AGAP1: variants seen among roughly 807,000 people sequenced by gnomAD.
AGAP1 encodes the protein ArfGAP with GTPase domain, ankyrin repeat and PH domain 1.
AGAP1 carries 29 observed loss-of-function variants against 105.3 expected under a neutral mutation model. The observed-to-expected ratio is 0.28, with a 90% confidence interval of 0.21 to 0.38. The LOEUF (loss-of-function observed/expected upper bound fraction) is 0.38. AGAP1 is among the 10% of genes least tolerant of loss of function. The pLI is 1.00. For synonymous variants in AGAP1, 509 were observed against 485.9 expected (o/e 1.05, Z -0.63); for missense variants, 998 against 1,165.1 (o/e 0.86, Z 2.09).
At chr2:235,509,655 A>T (rs544910798) in intron 1 of AGAP1, among the ~76,000 whole-genome samples, 21 of 152,210 alleles carry the variant, frequency 1.4e-4, no homozygotes, top group African/African-American at 5.1e-4. Flanking sequence ...ACACTTCCTC[A>T]TGCCCGTTTG....
At chr2:235,522,064 T>A (rs1942644705) in intron 1 of AGAP1, among the ~76,000 whole-genome samples, 1 of 152,164 alleles carries the variant, frequency 6.6e-6, no homozygotes, top group Admixed American at 6.5e-5. Flanking sequence ...ATGTGCAGTC[T>A]TTTTGGTTCC....
intron 6 of AGAP1, among the ~76,000 whole-genome samples, chr2:235,797,026 G>A (rs1001272839): frequency 1.3e-5 from 2 of 152,086 alleles, no homozygotes; most frequent in African/African-American, 4.8e-5. Flanking sequence ...TACAATGTGT[G>A]CAGTCATATA....
At chr2:235,760,325 G>A (rs1305127435) in intron 6 of AGAP1, among the ~76,000 whole-genome samples, 7 of 152,238 alleles carry the variant, frequency 4.6e-5, no homozygotes, top group Non-Finnish European at 8.8e-5. Flanking sequence ...GTTGCAGTGA[G>A]CTGAGATCAC....
intron 1 of AGAP1, among the ~76,000 whole-genome samples, chr2:235,674,693 CT>C (rs201019044): frequency 2.3e-3 from 311 of 136,224 alleles, no homozygotes; most frequent in Middle Eastern, 3.9e-3. Context: ...GGGTGATAGA[CT>C]TTTTTTTTTT....
In AGAP1 at chr2:235,956,839, T is replaced by C. The variant is rs554304923; in HGVS notation, c.1484-11623T>C. 2.6e-5 allele frequency among the ~76,000 whole-genome samples: 4 copies of C among 152,376 alleles called. No individual in the cohort carries two copies. The East Asian group carries it at 5.8e-4, about 22-fold the overall frequency. ...GACTCAGCTCATGGCCCAAGTCTCA[T>C]GATGGCCTTTAGCTTCAGTTTCTGG... On this transcript the variant is annotated intron_variant, in intron 12 of 17. Transcript: ENST00000304032.
At position 236,068,656 on chromosome 2, in the gene AGAP1, C is replaced by T. The variant is rs993782699; in HGVS notation, c.2114+19375C>T. Among the ~76,000 whole-genome samples, 17 of 145,778 alleles carry T rather than the reference C, an allele frequency of 1.2e-4. No homozygotes were observed. In the East Asian group the frequency reaches 2.1e-3, roughly 18 times the overall value. On this transcript the variant is annotated intron_variant, in intron 16 of 17. Transcript: ENST00000304032. ...TCTACTAAAAATACAAAAAATTAGC[C>T]GGGCGTGGTGGCGGGCGCCTGTAGT...
chr2:236,040,152 G>A lies in AGAP1; in HGVS notation c.1801-599G>A, dbSNP rs1173742725. On this transcript the variant is annotated intron_variant, in intron 14 of 17. Transcript: ENST00000304032. The surrounding 1 kb of genome is among the most constrained non-coding windows in gnomAD (Gnocchi z 5.6). ...AAATAAATAAATAAAAATAAAGCAAGCCATCAAGTGTAAGGTTAAGAATCA... is the reference window on the plus strand; with the variant it reads ...AAATAAATAAATAAAAATAAAGCAAACCATCAAGTGTAAGGTTAAGAATCA... Among the ~76,000 whole-genome samples the A allele has an allele frequency of 6.6e-6, 1 of 152,002 alleles. No individual in the cohort carries two copies. Among genetic ancestry groups the A allele is most frequent in the Non-Finnish European group, 1.5e-5 (1 of 68,014 alleles).
rs1949760952 is a variant in AGAP1 at position 235,692,119 on chromosome 2, T to C, written c.164-17060T>C. On this transcript the variant is annotated intron_variant, in intron 1 of 17. Coordinates refer to ENST00000304032, the MANE Select transcript of AGAP1 (RefSeq NM_001037131.3). The surrounding 1 kb of genome is among the most constrained non-coding windows in gnomAD (Gnocchi z 5.8). ...TGCGCATATTGAGTTTGAATATTCA[T>C]CTAAGAAGCTTTTGTACATGCGTTA... Among the ~76,000 whole-genome samples, 1 of 152,062 alleles carries C rather than the reference T, an allele frequency of 6.6e-6. No homozygotes were observed. Among genetic ancestry groups the C allele is most frequent in the Non-Finnish European group, 1.5e-5 (1 of 68,018 alleles).
intron 6 of AGAP1, among the ~76,000 whole-genome samples, chr2:235,791,735 A>G (rs955257867): frequency 3.9e-5 from 6 of 152,022 alleles, no homozygotes. Flanking sequence ...TTTAGTAGAG[A>G]CAAGGTTTCA....
Position 235,996,390 on chromosome 2 carries a change from C to T in AGAP1, c.1645+27767C>T, listed in dbSNP as rs556721027. On this transcript the variant is annotated intron_variant, in intron 13 of 17. Coordinates refer to ENST00000304032, the MANE Select transcript of AGAP1 (RefSeq NM_001037131.3). ...GGTGTCTTCTAATTTTTTTAACTTA[C>T]GCTCTGACACATAGTTAAGTTGTGC... 4.6e-5 allele frequency among the ~76,000 whole-genome samples: 7 copies of T among 152,296 alleles called. No homozygotes were observed. The South Asian group carries it at 6.2e-4, about 14-fold the overall frequency.
intron 11 of AGAP1, among the ~76,000 whole-genome samples, chr2:235,918,124 G>A (rs1287727060): frequency 6.6e-6 from 1 of 152,212 alleles, no homozygotes; most frequent in African/African-American, 2.4e-5. Context: ...AGGCTTGGTG[G>A]AACACAGATC....
At chr2:236,093,173 A>G (rs1576287464) in intron 16 of AGAP1, among the ~76,000 whole-genome samples, 1 of 152,246 alleles carries the variant, frequency 6.6e-6, no homozygotes, top group Admixed American at 6.5e-5. Flanking sequence ...GGTTCAGTCA[A>G]GGATCATCAA....
chr2:235,828,947 G>T (rs2106331338), intron 9 of AGAP1, among the ~76,000 whole-genome samples: 1 of 152,338 alleles, frequency 6.6e-6, no homozygotes, highest in African/African-American at 2.4e-5. Flanking sequence ...AGAGTTCTGA[G>T]CCTCAGTTTT....
chr2:235,724,196 C>T lies in AGAP1; in HGVS notation c.310+6552C>T, dbSNP rs1037966843. 6.6e-6 allele frequency among the ~76,000 whole-genome samples: 1 copy of T among 152,234 alleles called. No individual in the cohort carries two copies. The highest frequency in any genetic ancestry group is 1.5e-5 in the Non-Finnish European group (1 of 68,046). ...AAAATTTTAGGCAGAAAGCTAGCTC[C>T]AAGGCTGAGGCAGCCCTGAATGTGC... On this transcript the variant is annotated intron_variant, in intron 3 of 17. Coordinates refer to ENST00000304032, the MANE Select transcript of AGAP1 (RefSeq NM_001037131.3). The surrounding 1 kb of genome is among the most constrained non-coding windows in gnomAD (Gnocchi z 4.9).
rs137928609 is a variant in AGAP1, at chr2:235,900,783, C to T, written c.1156-7955C>T. Reference sequence around the variant, plus strand: ...GCTGTTTGCCTCTGTGCATGCTACACATCTGATTGGCCAGGTGCCTTCCTC... The same window carrying T: ...GCTGTTTGCCTCTGTGCATGCTACATATCTGATTGGCCAGGTGCCTTCCTC... On this transcript the variant is annotated intron_variant, in intron 10 of 17. Coordinates refer to ENST00000304032, the MANE Select transcript of AGAP1 (RefSeq NM_001037131.3). This position sits in a 1 kb window ranked among gnomAD's most constrained non-coding sequence, Gnocchi z 5.5. 8.5e-4 allele frequency among the ~76,000 whole-genome samples: 129 copies of T among 152,348 alleles called. No homozygotes were observed. Among genetic ancestry groups the T allele is most frequent in the Admixed American group, 2.0e-3 (30 of 15,302 alleles).
intron 9 of AGAP1, among the ~76,000 whole-genome samples, chr2:235,822,619 G>T (rs2106295164): frequency 6.6e-6 from 1 of 152,306 alleles, no homozygotes. Flanking sequence ...GGGAGAAGCT[G>T]AAGAAGCTCA....
Position 235,980,895 on chromosome 2 carries a change from G to A in AGAP1, c.1645+12272G>A, listed in dbSNP as rs565711409. Among the ~76,000 whole-genome samples, 51 of 152,278 alleles carry A rather than the reference G, an allele frequency of 3.3e-4. No individual in the cohort carries two copies. The South Asian group carries it at 0.01, about 31-fold the overall frequency. ...TGGGATTGTTTCTTACCAAAATGAG[G>A]CATGATGTTGCCTCTTAAGAAAATC... On this transcript the variant is annotated intron_variant, in intron 13 of 17. Transcript: ENST00000304032.
At chr2:236,067,781 A>G (rs1274143311) in intron 16 of AGAP1, among the ~76,000 whole-genome samples, 1 of 152,194 alleles carries the variant, frequency 6.6e-6, no homozygotes, top group East Asian at 1.9e-4. Context: ...ACGTGAGGTG[A>G]GACGAGGAAG....
rs1004368761 is a variant in AGAP1 at position 236,126,287 on chromosome 2, T to C, written c.*2165T>C. 6.6e-6 allele frequency: 1 copy of C among 152,164 alleles called. No homozygotes were observed. The highest frequency in any genetic ancestry group is 1.5e-5 in the Non-Finnish European group (1 of 68,038). 9.4% of individuals were successfully genotyped at this position (152,164 alleles called of 1,614,324 possible). On this transcript the variant is annotated 3_prime_UTR_variant, in exon 18 of 18. Coordinates refer to ENST00000304032, the MANE Select transcript of AGAP1 (RefSeq NM_001037131.3). ...AATGTGAATAGAAAAAAACAGGTCATTGCCTATTTTTGAAGAACGCGTTGG... is the reference window on the plus strand; with the variant it reads ...AATGTGAATAGAAAAAAACAGGTCACTGCCTATTTTTGAAGAACGCGTTGG...
Sources: allele counts gnomAD v4.1 joint callset (sites outside exome capture counted in the v4.1 genomes callset), GRCh38; gene constraint gnomAD v4.1.1; non-coding constraint Gnocchi (gnomAD v3.1); transcripts MANE v1.5; gene names NCBI Gene and HGNC (gene_info 2026-07-23, HGNC 2026-07-21).